SLC66A1: variants seen among roughly 807,000 people sequenced by gnomAD.
SLC66A1 encodes the protein lysosomal amino acid transporter 1 homolog.
A neutral mutation model predicts 33.0 loss-of-function variants in SLC66A1; 23 were observed. The observed-to-expected ratio is 0.70, with a 90% confidence interval of 0.50 to 0.99. SLC66A1 has a LOEUF of 0.99. Among genes scored for constraint, SLC66A1 ranks in the 50% least tolerant of loss-of-function variants. The pLI is 0.00. For synonymous variants in SLC66A1, 164 were observed against 175.5 expected (o/e 0.93, Z 0.52); for missense variants, 335 against 383.6 (o/e 0.87, Z 1.06).
chr1:19,328,798 C>T lies in SLC66A1; in HGVS notation c.*155C>T. On this transcript the variant is annotated 3_prime_UTR_variant, in exon 8 of 8. Transcript: ENST00000375153. This position sits in a 1 kb window ranked among gnomAD's most constrained non-coding sequence, Gnocchi z 4.7. The stretch of plus-strand genomic sequence containing the variant: ...AACCGTCCCCCCAGGAACACACCTT[C>T]AGGTAGACCCCGAAGCCTCAAGGCC... 1 of 786,234 alleles carries T rather than the reference C, an allele frequency of 1.3e-6. No homozygotes were observed. Among genetic ancestry groups the T allele is most frequent in the Non-Finnish European group, 2.0e-6 (1 of 494,860 alleles). The allele number at this position is 786,234 out of a possible 1,614,324, so 48.7% of individuals were successfully genotyped here. A position where few individuals can be genotyped will look rare whatever the true frequency, so the allele number is the denominator to read the frequency against.
At chr1:19,327,529 ATCCCTCCCTCCC>A (rs534714495) in intron 7 of SLC66A1, 117 bp downstream of exon 7, 36 of 682,122 alleles carry the variant, frequency 5.3e-5, no homozygotes, top group Admixed American at 1.2e-4. Context: ...CCATCCATCC[ATCCCTCCCTCCC>A]TCCCTCCCTC....
chr1:19,328,365 C>G lies in SLC66A1; in HGVS notation c.805-207C>G, dbSNP rs922819117. Among the ~76,000 whole-genome samples the G allele has an allele frequency of 2.0e-5, 3 of 152,058 alleles. No individual in the cohort carries two copies. The highest frequency in any genetic ancestry group is 7.2e-5 in the African/African-American group (3 of 41,406). On this transcript the variant is annotated intron_variant, in intron 7 of 7. Coordinates refer to ENST00000375153, the MANE Select transcript of SLC66A1 (RefSeq NM_001040125.2). The surrounding 1 kb of genome is among the most constrained non-coding windows in gnomAD (Gnocchi z 4.7). ...GTGCTAGGCTTGGAGACAGATGGAG[C>G]TTGGCTAGGGCTTGAGGAGCCGGGC...
chr1:19,328,324 C>T lies in SLC66A1; in HGVS notation c.805-248C>T, dbSNP rs965375339. ...GGCCAGGGTCAAGGGAGGCTGCCCACGGGAAGGAGAAGTCAGTGCTAGGCT... is the reference window on the plus strand; with the variant it reads ...GGCCAGGGTCAAGGGAGGCTGCCCATGGGAAGGAGAAGTCAGTGCTAGGCT... On this transcript the variant is annotated intron_variant, in intron 7 of 7. Transcript: ENST00000375153. The surrounding 1 kb of genome is among the most constrained non-coding windows in gnomAD (Gnocchi z 4.7). Among the ~76,000 whole-genome samples, 8 of 152,136 alleles carry T rather than the reference C, an allele frequency of 5.3e-5. No homozygotes were observed. The highest frequency in any genetic ancestry group is 2.0e-4 in the Admixed American group (3 of 15,272).
intron 2 of SLC66A1, 24 bp downstream of exon 2, chr1:19,317,865 A>C: frequency 1.9e-6 from 3 of 1,608,290 alleles, no homozygotes; most frequent in South Asian, 1.1e-5. Flanking sequence ...TGGTGGCAGG[A>C]CCAGGGCAGG....
chr1:19,320,632 G>C (rs569977894), intron 2 of SLC66A1, among the ~76,000 whole-genome samples: 2 of 151,572 alleles, frequency 1.3e-5, no homozygotes, highest in Non-Finnish European at 2.9e-5. Flanking sequence ...AGCCAGGATG[G>C]TCTCGATTTC....
intron 2 of SLC66A1, among the ~76,000 whole-genome samples, chr1:19,320,580 AT>A (rs554701043): frequency 6.7e-6 from 1 of 150,054 alleles, no homozygotes; most frequent in Admixed American, 6.7e-5. Flanking sequence ...CGCCTGGCTA[AT>A]TTTTTGTATT....
At chr1:19,316,363 G>A (rs866568485) in intron 1 of SLC66A1, among the ~76,000 whole-genome samples, 4,229 of 97,672 alleles carry the variant, frequency 0.043, 192 homozygotes, top group African/African-American at 0.12. Flanking sequence ...TTGTGTGTGT[G>A]TGTGTGTGTG....
chr1:19,320,559 ACC>A (rs2093829950), intron 2 of SLC66A1, among the ~76,000 whole-genome samples: 3 of 147,156 alleles, frequency 2.0e-5, no homozygotes, highest in African/African-American at 7.5e-5. Flanking sequence ...GACTACAGGC[ACC>A]TGCCACCACG....
intron 2 of SLC66A1, among the ~76,000 whole-genome samples, chr1:19,322,457 T>G (rs1046849724): frequency 6.6e-6 from 1 of 152,018 alleles, no homozygotes; most frequent in African/African-American, 2.4e-5. Context: ...ACAAGTCGAG[T>G]CATAGCATCT....
intron 7 of SLC66A1, chr1:19,327,618 G>A (rs7543391): frequency 0.037 from 26,943 of 732,132 alleles, 629 homozygotes; most frequent in African/African-American, 0.065. Context: ...CCCTGGAGCC[G>A]TGAGTGAGCA....
chr1:19,325,636 TGTG>T (rs2093860854), intron 4 of SLC66A1, 54 bp downstream of exon 4: 11 of 374,850 alleles, frequency 2.9e-5, no homozygotes, highest in Non-Finnish European at 5.3e-5. Context: ...AGGGGGCAGT[TGTG>T]GGGGGGGGCG....
chr1:19,313,917 A>G (rs956812175), intron 1 of SLC66A1, among the ~76,000 whole-genome samples: 1 of 152,184 alleles, frequency 6.6e-6, no homozygotes, highest in Non-Finnish European at 1.5e-5. Flanking sequence ...AAAGTGCACT[A>G]GATGGAGCAG....
intron 4 of SLC66A1, 57 bp downstream of exon 4, chr1:19,325,639 G>GGT (rs10665329): frequency 0.13 from 142,215 of 1,069,694 alleles, 13,114 homozygotes; most frequent in Admixed American, 0.21. Context: ...GGGCAGTTGT[G>GGT]GGGGGGGGCG....
At chr1:19,313,773 G>A (rs978290349) in intron 1 of SLC66A1, among the ~76,000 whole-genome samples, 22 of 152,302 alleles carry the variant, frequency 1.4e-4, no homozygotes, top group Middle Eastern at 3.4e-3. Context: ...CAGGTAATTT[G>A]GACTTCATCC....
chr1:19,319,605 G>GTTTTTTTTTTTT (rs569177720), intron 2 of SLC66A1, among the ~76,000 whole-genome samples: 11 of 111,856 alleles, frequency 9.8e-5, no homozygotes, highest in African/African-American at 3.6e-4. Flanking sequence ...GCACATTCAT[G>GTTTTTTTTTTTT]TTTTTTTTTT....
chr1:19,326,561 G>A lies in SLC66A1; in HGVS notation c.556G>A (p.Val186Ile), dbSNP rs773876067. The A allele has an allele frequency of 8.1e-6, 13 of 1,614,108 alleles. No individual in the cohort carries two copies. Among genetic ancestry groups the A allele is most frequent in the East Asian group, 2.2e-5 (1 of 44,904 alleles). ...PFTRQEVIGFVIGSISSVLYL... is the reference protein window; with the variant it reads ...PFTRQEVIGFIIGSISSVLYL... ...CACCCGGCAGGAAGTCATTGGCTTC[G>A]TCATCGGCTCCATCTCCAGCGTGTT... is the stretch of plus-strand genomic sequence containing the variant. Residue 186 changes from valine to isoleucine, a missense_variant, in exon 6 of 8, where the codon GTC (valine) becomes ATC (isoleucine). By Grantham distance (29) the Val-to-Ile change is conservative (BLOSUM62 3). Transcript: ENST00000375153.
intron 2 of SLC66A1, among the ~76,000 whole-genome samples, chr1:19,319,773 C>A (rs151205379): frequency 1.1e-4 from 16 of 150,404 alleles, no homozygotes; most frequent in Non-Finnish European, 2.4e-4. Flanking sequence ...TGTGGTGGCG[C>A]GTGCCTGTGG....
At chr1:19,327,895 A>G (rs982971974) in intron 7 of SLC66A1, 5 of 291,202 alleles carry the variant, frequency 1.7e-5, no homozygotes, top group Non-Finnish European at 3.4e-5. Context: ...TGGAGTGTGG[A>G]GAGACACATG....
intron 1 of SLC66A1, 113 bp from the exon 2 acceptor site, chr1:19,317,487 C>T: frequency 2.3e-6 from 3 of 1,322,384 alleles, no homozygotes; most frequent in Non-Finnish European, 3.0e-6. Context: ...TTGCCCTTCT[C>T]TGGCTCAGGG....
Sources: allele counts gnomAD v4.1 joint callset (sites outside exome capture counted in the v4.1 genomes callset), GRCh38; gene constraint gnomAD v4.1.1; non-coding constraint Gnocchi (gnomAD v3.1); transcripts MANE v1.5; gene names NCBI Gene and HGNC (gene_info 2026-07-23, HGNC 2026-07-21).